Variants in PCNX1 observed in about 807,000 individuals in gnomAD.
PCNX1 encodes the protein pecanex 1, also known as pecanex-like protein 1.
Under a neutral mutation model 242.2 loss-of-function variants are expected in PCNX1, and 78 were observed. That is an observed-to-expected ratio of 0.32 (90% confidence interval 0.27 to 0.39). The LOEUF (loss-of-function observed/expected upper bound fraction) is 0.39. Among genes scored for constraint, PCNX1 ranks in the 10% least tolerant of loss-of-function variants. The probability of loss-of-function intolerance (pLI) is 1.00; values close to 1 mark genes in which losing one functional copy is unlikely to be tolerated. For synonymous variants in PCNX1, 1,024 were observed against 1,032.9 expected (o/e 0.99, Z 0.17); for missense variants, 2,581 against 2,856.5 (o/e 0.90, Z 2.20).
chr14:70,951,585 G>A (rs1253345111), intron 2 of PCNX1, among the ~76,000 whole-genome samples: 2 of 152,106 alleles, frequency 1.3e-5, no homozygotes, highest in Admixed American at 6.6e-5. Flanking sequence ...ATGTTGGCCA[G>A]GCTGGTGCTG....
intron 27 of PCNX1, among the ~76,000 whole-genome samples, chr14:71,074,234 T>C (rs916300362): frequency 2.0e-5 from 3 of 152,234 alleles, no homozygotes; most frequent in Non-Finnish European, 1.5e-5. Context: ...TCTTGAGCCC[T>C]TGCCCTTGAC....
At chr14:71,057,220 C>T (rs75752210) in intron 25 of PCNX1, among the ~76,000 whole-genome samples, 3,931 of 152,174 alleles carry the variant, frequency 0.026, 75 homozygotes, top group Middle Eastern at 0.066. Flanking sequence ...TGAATAATTA[C>T]GAACTGTTGA....
intron 2 of PCNX1, among the ~76,000 whole-genome samples, chr14:70,955,215 A>G (rs1438512442): frequency 1.3e-5 from 2 of 152,226 alleles, no homozygotes; most frequent in East Asian, 3.8e-4. Context: ...TTGAAGAAAG[A>G]TCATGGTTTC....
At position 71,111,895 on chromosome 14, in the gene PCNX1, A is replaced by G. The variant is rs2062759507; in HGVS notation, c.*1960A>G. On this transcript the variant is annotated 3_prime_UTR_variant, in exon 36 of 36. Coordinates refer to ENST00000304743, the MANE Select transcript of PCNX1 (RefSeq NM_014982.3). ...GACCATTTAAAAATGTATTTTTGTGATACCGTCATTATGTTCTGCATTTGC... is the reference window on the plus strand; with the variant it reads ...GACCATTTAAAAATGTATTTTTGTGGTACCGTCATTATGTTCTGCATTTGC... The G allele has an allele frequency of 6.6e-6, 1 of 152,540 alleles. No homozygotes were observed. Among genetic ancestry groups the G allele is most frequent in the Admixed American group, 6.5e-5 (1 of 15,282 alleles). 9.4% of individuals were successfully genotyped at this position (152,540 alleles called of 1,614,324 possible). A position where few individuals can be genotyped will look rare whatever the true frequency, so the allele number is the denominator to read the frequency against.
At chr14:70,994,426 T>TATATATATAGATATATATATATATAG (rs1387360991) in intron 7 of PCNX1, among the ~76,000 whole-genome samples, 3 of 114,984 alleles carry the variant, frequency 2.6e-5, no homozygotes, top group Non-Finnish European at 1.8e-5. Context: ...TATATATATA[T>TATATATATAGATATATATATATATAG]ATATGTATGT....
At chr14:70,953,178 C>T (rs1274278419) in intron 2 of PCNX1, among the ~76,000 whole-genome samples, 1 of 152,062 alleles carries the variant, frequency 6.6e-6, no homozygotes, top group East Asian at 1.9e-4. Context: ...ACTTGGGAGG[C>T]TGAGGCAGGA....
chr14:70,960,701 A>G (rs544967076), intron 2 of PCNX1, among the ~76,000 whole-genome samples: 4 of 152,226 alleles, frequency 2.6e-5, no homozygotes, highest in South Asian at 4.1e-4. Flanking sequence ...AGGGTATTCA[A>G]TTAGGAAAAG....
chr14:71,013,375 A>G (rs931929800), intron 11 of PCNX1, among the ~76,000 whole-genome samples, 173 bp downstream of exon 11: 9 of 152,186 alleles, frequency 5.9e-5, no homozygotes, highest in Admixed American at 5.9e-4. Flanking sequence ...ACTATCTTAA[A>G]TCCATTAAAA....
Position 71,105,453 on chromosome 14 carries a change from A to G in PCNX1, c.6301+13A>G, listed in dbSNP as rs1416254120. Reference sequence around the variant, plus strand: ...CCTCCAACACTAGGTAATGTGAAACAAAGTTATATGTCTAATGTTAGCTTC... The same window carrying G: ...CCTCCAACACTAGGTAATGTGAAACGAAGTTATATGTCTAATGTTAGCTTC... On this transcript the variant is annotated intron_variant, in intron 33 of 35. Transcript: ENST00000304743. 1.1e-5 allele frequency: 17 copies of G among 1,595,910 alleles called. No individual in the cohort carries two copies. Among genetic ancestry groups the G allele is most frequent in the Middle Eastern group, 3.4e-4 (2 of 5,894 alleles).
At chr14:70,912,696 A>G (rs1232239035) in intron 1 of PCNX1, among the ~76,000 whole-genome samples, 3 of 152,052 alleles carry the variant, frequency 2.0e-5, no homozygotes, top group Admixed American at 2.0e-4. Context: ...CATTCTTTTA[A>G]ATATTCTTTA....
chr14:71,068,587 C>CGT (rs905951215), intron 26 of PCNX1, among the ~76,000 whole-genome samples: 6 of 85,518 alleles, frequency 7.0e-5, no homozygotes, highest in Admixed American at 1.3e-4. Flanking sequence ...TTTGTATGTA[C>CGT]GTGCGTGTGT....
Position 71,045,187 on chromosome 14 carries a change from C to A in PCNX1, c.3922C>A (p.His1308Asn). 1 of 1,613,128 alleles carries A rather than the reference C, an allele frequency of 6.2e-7. No homozygotes were observed. The highest frequency in any genetic ancestry group is 8.5e-7 in the Non-Finnish European group (1 of 1,179,210). ...TLVGFVGFVT[H>N]YVLPQVRKQL... is the part of the protein sequence containing the mutation. ...GGTTGGCTTTGTGGGTTTTGTAACC[C>A]ATTATGTGCTGCCTCAAGTTAGAAA... Residue 1308 changes from histidine to asparagine, a missense_variant, in exon 20 of 36, where the codon CAT becomes AAT. Coordinates refer to ENST00000304743, the MANE Select transcript of PCNX1 (RefSeq NM_014982.3).
intron 1 of PCNX1, among the ~76,000 whole-genome samples, chr14:70,946,391 C>T (rs938184291): frequency 5.9e-5 from 9 of 152,120 alleles, no homozygotes; most frequent in Non-Finnish European, 1.2e-4. Flanking sequence ...GGATCACAAC[C>T]TTGATTTCTT....
chr14:71,103,864 T>C (rs931824207), intron 32 of PCNX1, among the ~76,000 whole-genome samples, 195 bp downstream of exon 32: 1 of 152,230 alleles, frequency 6.6e-6, no homozygotes, highest in Non-Finnish European at 1.5e-5. Flanking sequence ...ATCTGATGTA[T>C]AACTGGTTAA....
chr14:71,079,000 G>T (rs1353833366), intron 28 of PCNX1, among the ~76,000 whole-genome samples: 1 of 151,966 alleles, frequency 6.6e-6, no homozygotes, highest in African/African-American at 2.4e-5. Flanking sequence ...GCCTCCCATA[G>T]CCCCCTACAC....
At chr14:71,096,944 G>A (rs10150408) in intron 30 of PCNX1, among the ~76,000 whole-genome samples, 84,690 of 151,916 alleles carry the variant, frequency 0.56, 25,013 homozygotes, top group East Asian at 0.74. Context: ...AAGTTATGCT[G>A]TATACTTCCT....
chr14:71,027,205 C>T (rs1321352236), intron 15 of PCNX1: 1 of 180,206 alleles, frequency 5.5e-6, no homozygotes, highest in Admixed American at 6.1e-5. Context: ...ATCATCTATC[C>T]TGAGTAGATT....
intron 26 of PCNX1, among the ~76,000 whole-genome samples, chr14:71,061,137 A>G (rs1156556782): frequency 6.6e-6 from 1 of 152,220 alleles, no homozygotes; most frequent in East Asian, 1.9e-4. Context: ...AGGCCAAGTC[A>G]ATGCCAGGTT....
chr14:71,031,252 G>A (rs1461108891), intron 16 of PCNX1, among the ~76,000 whole-genome samples: 1 of 152,184 alleles, frequency 6.6e-6, no homozygotes, highest in African/African-American at 2.4e-5. Context: ...CCCTGGAAGT[G>A]TCTGTCCCTG....
Sources: gnomAD v4.1 joint callset for allele counts (sites outside exome capture counted in the v4.1 genomes callset) on GRCh38, gnomAD v4.1.1 for gene constraint, MANE v1.5 for transcripts, NCBI Gene and HGNC (gene_info 2026-07-23, HGNC 2026-07-21) for gene names.